Variants in CDH12 observed in about 807,000 individuals in gnomAD.
CDH12 encodes cadherin-12.
CDH12 carries 41 observed loss-of-function variants against 74.1 expected under a neutral mutation model. The ratio of observed to expected loss-of-function variants is 0.55; its 90% confidence interval spans 0.43 to 0.72. The LOEUF (loss-of-function observed/expected upper bound fraction) is 0.72. Ranked by LOEUF, CDH12 falls within the 30% of genes least tolerant of loss-of-function variation. The pLI, the probability that CDH12 is intolerant of heterozygous loss-of-function variation, is 0.00. For synonymous variants in CDH12, 399 were observed against 355.0 expected (o/e 1.12, Z -1.39); for missense variants, 945 against 977.2 (o/e 0.97, Z 0.44).
chr5:21,819,390 G>A (rs1014932078), intron 8 of CDH12, among the ~76,000 whole-genome samples: 1 of 151,986 alleles, frequency 6.6e-6, no homozygotes, highest in Non-Finnish European at 1.5e-5. Context: ...GGCACAGAAC[G>A]TGTAATTTTT....
At chr5:22,432,664 G>C (rs1220497191) in intron 2 of CDH12, among the ~76,000 whole-genome samples, 1 of 152,028 alleles carries the variant, frequency 6.6e-6, no homozygotes, top group East Asian at 1.9e-4. Flanking sequence ...TTCTTTAGAA[G>C]ACTCTTCTGA....
chr5:22,435,424 G>GTATATATACGTA (rs1744338870), intron 2 of CDH12, among the ~76,000 whole-genome samples: 1 of 150,872 alleles, frequency 6.6e-6, no homozygotes, highest in South Asian at 2.1e-4. Context: ...ATATATGTGT[G>GTATATATACGTA]TATATATACG....
chr5:22,665,257 G>T (rs1347735210), intron 1 of CDH12, among the ~76,000 whole-genome samples: 1 of 152,152 alleles, frequency 6.6e-6, no homozygotes, highest in Non-Finnish European at 1.5e-5. Context: ...GGATGCCTTT[G>T]TATGTTCTCA....
intron 5 of CDH12, among the ~76,000 whole-genome samples, chr5:21,992,880 T>A (rs1189066222): frequency 1.3e-5 from 2 of 152,116 alleles, no homozygotes; most frequent in Non-Finnish European, 2.9e-5. Context: ...AGAAAAGAAG[T>A]TTAATTGATT....
chr5:22,480,562 G>C (rs1260536875), intron 2 of CDH12, among the ~76,000 whole-genome samples: 1 of 147,472 alleles, frequency 6.8e-6, no homozygotes, highest in African/African-American at 2.5e-5. Flanking sequence ...TCGAGTGTGG[G>C]CAACAGTGAA....
At chr5:22,515,584 C>A (rs887397005) in intron 1 of CDH12, among the ~76,000 whole-genome samples, 1 of 151,890 alleles carries the variant, frequency 6.6e-6, no homozygotes, top group African/African-American at 2.4e-5. Flanking sequence ...GAAGGGAGAG[C>A]CTTGAAACAC....
At chr5:22,030,819 C>G (rs1014726038) in intron 5 of CDH12, among the ~76,000 whole-genome samples, 1 of 152,158 alleles carries the variant, frequency 6.6e-6, no homozygotes, top group African/African-American at 2.4e-5. Context: ...CTACATTTAT[C>G]AACGATATTA....
chr5:22,023,940 G>A (rs995349530), intron 5 of CDH12, among the ~76,000 whole-genome samples: 2 of 152,108 alleles, frequency 1.3e-5, no homozygotes, highest in African/African-American at 4.8e-5. Flanking sequence ...TCAGGTGACA[G>A]ATTTAAATTC....
chr5:21,865,865 G>A (rs553136115), intron 6 of CDH12, among the ~76,000 whole-genome samples: 1 of 152,166 alleles, frequency 6.6e-6, no homozygotes, highest in South Asian at 2.1e-4. Flanking sequence ...GAGGCCATGT[G>A]ATATGGTTTT....
intron 1 of CDH12, among the ~76,000 whole-genome samples, chr5:22,813,681 T>C (rs995962123): frequency 6.6e-6 from 1 of 152,048 alleles, no homozygotes; most frequent in Admixed American, 6.6e-5. Context: ...CATCTCGGGG[T>C]GGCTCACATG....
intron 3 of CDH12, among the ~76,000 whole-genome samples, chr5:22,268,667 T>C (rs1377324042): frequency 6.6e-6 from 1 of 152,168 alleles, no homozygotes; most frequent in African/African-American, 2.4e-5. Context: ...CACTGTGTAT[T>C]CCTTTTATTT....
chr5:22,552,004 T>C (rs1738596524), intron 1 of CDH12, among the ~76,000 whole-genome samples: 1 of 152,260 alleles, frequency 6.6e-6, no homozygotes, highest in Middle Eastern at 3.4e-3. Context: ...CAATATCTCT[T>C]TAAATGTAAG....
intron 1 of CDH12, among the ~76,000 whole-genome samples, chr5:22,704,652 C>A (rs187229003): frequency 6.6e-6 from 1 of 151,880 alleles, no homozygotes; most frequent in South Asian, 2.1e-4. Flanking sequence ...CCTAAACTGA[C>A]GGGGAATAGT....
At chr5:22,340,474 C>T (rs111312221) in intron 3 of CDH12, among the ~76,000 whole-genome samples, 4,538 of 149,560 alleles carry the variant, frequency 0.03, 108 homozygotes, top group African/African-American at 0.07. Context: ...TGCAGTGAGC[C>T]GAGATCGCAC....
chr5:22,027,435 A>T (rs533222395), intron 5 of CDH12, among the ~76,000 whole-genome samples: 1 of 152,150 alleles, frequency 6.6e-6, no homozygotes, highest in Non-Finnish European at 1.5e-5. Context: ...CTGTAAATCC[A>T]TCTGGTCCTG....
At chr5:22,467,038 G>T (rs1368283696) in intron 2 of CDH12, among the ~76,000 whole-genome samples, 1 of 151,726 alleles carries the variant, frequency 6.6e-6, no homozygotes, top group African/African-American at 2.4e-5. Context: ...GCCCACCTCG[G>T]CCTCTCAAAT....
chr5:22,443,041 A>C (rs1744687941), intron 2 of CDH12, among the ~76,000 whole-genome samples: 1 of 152,158 alleles, frequency 6.6e-6, no homozygotes, highest in Non-Finnish European at 1.5e-5. Context: ...CAAGAAGAAC[A>C]ATATTCATCT....
At chr5:22,114,336 C>A (rs553409910) in intron 4 of CDH12, among the ~76,000 whole-genome samples, 2 of 152,118 alleles carry the variant, frequency 1.3e-5, no homozygotes, top group South Asian at 4.2e-4. Flanking sequence ...TTTGTATGAT[C>A]ATTTTCTAAT....
At chr5:21,833,507 A>G (rs1749343333) in intron 8 of CDH12, among the ~76,000 whole-genome samples, 1 of 137,782 alleles carries the variant, frequency 7.3e-6, no homozygotes, top group South Asian at 2.1e-4. Flanking sequence ...AATATATAAT[A>G]TATGGCATAT....
Sources: gnomAD v4.1 joint callset for allele counts (sites outside exome capture counted in the v4.1 genomes callset) on GRCh38, gnomAD v4.1.1 for gene constraint, MANE v1.5 for transcripts, NCBI Gene and HGNC (gene_info 2026-07-23, HGNC 2026-07-21) for gene names.